Variants in VEZT observed in about 807,000 individuals in gnomAD.
VEZT encodes vezatin, adherens junctions transmembrane protein, also known as vezatin.
A neutral mutation model predicts 79.9 loss-of-function variants in VEZT; 39 were observed. That is an observed-to-expected ratio of 0.49 (90% CI 0.38 to 0.64). VEZT has a LOEUF of 0.64. VEZT is among the 30% of genes least tolerant of loss of function. The pLI is 0.00. For missense variants in VEZT, 837 were observed against 893.1 expected, an observed-to-expected ratio of 0.94 and a Z score of 0.80; for synonymous variants, 325 against 327.6, an observed-to-expected ratio of 0.99 and a Z score of 0.09.
chr12:95,297,725 C>A (rs983216770), intron 11 of VEZT, among the ~76,000 whole-genome samples: 5 of 152,176 alleles, frequency 3.3e-5, no homozygotes, highest in African/African-American at 1.2e-4. Flanking sequence ...CATAAGAATT[C>A]ATCTATCCAA....
At chr12:95,280,648 A>G (rs1212926244) in intron 7 of VEZT, among the ~76,000 whole-genome samples, 3 of 152,120 alleles carry the variant, frequency 2.0e-5, no homozygotes, top group African/African-American at 7.2e-5. Context: ...GGGAAATAGT[A>G]TCTTTTACTT....
intron 3 of VEZT, among the ~76,000 whole-genome samples, chr12:95,260,098 C>CTTT (rs56756447): frequency 2.2e-3 from 150 of 68,530 alleles, no homozygotes; most frequent in Non-Finnish European, 2.5e-3. Flanking sequence ...TGGTTGATCA[C>CTTT]TTTTTTTTTT....
At chr12:95,218,147 G>A (rs1020757253) in intron 1 of VEZT, 2 of 348,904 alleles carry the variant, frequency 5.7e-6, no homozygotes, top group African/African-American at 4.3e-5. Context: ...CTCTGGGCTG[G>A]AGCGGTGTCT....
intron 1 of VEZT, among the ~76,000 whole-genome samples, chr12:95,249,859 T>G (rs1214642024): frequency 6.6e-6 from 1 of 152,172 alleles, no homozygotes; most frequent in Non-Finnish European, 1.5e-5. Context: ...CTGCTTTTTC[T>G]AACTGAGTGA....
chr12:95,263,572 G>A (rs1003011089), intron 4 of VEZT, among the ~76,000 whole-genome samples: 5 of 152,084 alleles, frequency 3.3e-5, no homozygotes, highest in Non-Finnish European at 7.3e-5. Flanking sequence ...GATTGCTTGA[G>A]CCCAGCAGTT....
At chr12:95,271,454 G>C (rs1190038908) in intron 6 of VEZT, among the ~76,000 whole-genome samples, 1 of 152,148 alleles carries the variant, frequency 6.6e-6, no homozygotes, top group Non-Finnish European at 1.5e-5. Flanking sequence ...AACATACTTG[G>C]TTTATGGAGT....
intron 1 of VEZT, among the ~76,000 whole-genome samples, chr12:95,235,464 G>A (rs530851143): frequency 6.0e-4 from 72 of 119,908 alleles, no homozygotes; most frequent in African/African-American, 2.0e-3. Context: ...GGGCAGAGGG[G>A]CTCCTCACTT....
At chr12:95,273,740 G>A (rs2067096379) in intron 6 of VEZT, among the ~76,000 whole-genome samples, 1 of 152,030 alleles carries the variant, frequency 6.6e-6, no homozygotes, top group Non-Finnish European at 1.5e-5. Context: ...ATAAAAACCA[G>A]TTGTATTACA....
intron 1 of VEZT, among the ~76,000 whole-genome samples, chr12:95,225,459 A>G (rs541245280): frequency 6.6e-6 from 1 of 152,226 alleles, no homozygotes; most frequent in Non-Finnish European, 1.5e-5. Context: ...CGGGAGGCTG[A>G]GGCAGGAGAA....
intron 1 of VEZT, among the ~76,000 whole-genome samples, chr12:95,225,792 A>G (rs1469569239): frequency 0.035 from 2,635 of 75,962 alleles, 103 homozygotes; most frequent in African/African-American, 0.13. Flanking sequence ...AAAAAAAAAA[A>G]AGAGAGAGAA....
intron 8 of VEZT, chr12:95,286,336 A>G (rs1321664667): frequency 6.8e-6 from 3 of 443,702 alleles, no homozygotes; most frequent in Admixed American, 2.8e-5. Context: ...ATACCAAGTT[A>G]GTCTTTCTTC....
At chr12:95,261,884 A>G (rs926115176) in intron 3 of VEZT, among the ~76,000 whole-genome samples, 2 of 152,222 alleles carry the variant, frequency 1.3e-5, no homozygotes, top group Non-Finnish European at 2.9e-5. Flanking sequence ...GAGGATGATA[A>G]GGTACATCAC....
intron 1 of VEZT, among the ~76,000 whole-genome samples, chr12:95,239,992 A>C (rs887914861): frequency 1.3e-5 from 2 of 148,576 alleles, no homozygotes; most frequent in Non-Finnish European, 3.0e-5. Flanking sequence ...GGAGAGAGAG[A>C]GAGGAGACAG....
At chr12:95,262,089 A>G (rs538172363) in intron 3 of VEZT, among the ~76,000 whole-genome samples, 1 of 152,284 alleles carries the variant, frequency 6.6e-6, no homozygotes, top group East Asian at 1.9e-4. Context: ...ATTTTTGTTC[A>G]TCCTTTAAAA....
intron 1 of VEZT, among the ~76,000 whole-genome samples, chr12:95,242,503 T>C (rs939274947): frequency 1.3e-5 from 2 of 152,204 alleles, no homozygotes; most frequent in Admixed American, 1.3e-4. Context: ...AGTGTGATCA[T>C]AGGCCCTACG....
intron 1 of VEZT, among the ~76,000 whole-genome samples, chr12:95,240,142 A>G (rs1469458586): frequency 6.6e-6 from 1 of 152,182 alleles, no homozygotes; most frequent in African/African-American, 2.4e-5. Context: ...ACAATCATTG[A>G]CTGTTCTTAG....
At chr12:95,281,567 A>C (rs1390200826) in intron 7 of VEZT, among the ~76,000 whole-genome samples, 1 of 137,912 alleles carries the variant, frequency 7.3e-6, no homozygotes, top group Non-Finnish European at 1.6e-5. Flanking sequence ...TTTTTTTTGG[A>C]TGGAGTCTTG....
chr12:95,287,821 G>A lies in VEZT; in HGVS notation c.1486G>A (p.Val496Ile), dbSNP rs10507051. 60,909 of 1,605,810 alleles carry A rather than the reference G, an allele frequency of 0.038. 1,773 individuals are homozygous for A. Among genetic ancestry groups the A allele is most frequent in the Middle Eastern group, 0.12 (705 of 6,042 alleles). Residue 496 changes from valine to isoleucine, a missense_variant, in exon 9 of 12, where the codon GTC becomes ATC. Val to Ile is a conservative substitution (Grantham distance 29). Transcript: ENST00000436874. ...NNCWEEAISQ[V>I]DKLLRRNTDK... Reference sequence around the variant, plus strand: ...TTGCTGGGAAGAGGCCATTTCTCAGGTCGACAAACTGCTACGAAGAAATAC... The same window carrying A: ...TTGCTGGGAAGAGGCCATTTCTCAGATCGACAAACTGCTACGAAGAAATAC...
rs777833336 is a variant in VEZT at position 95,300,523 on chromosome 12, G to T, written c.2190G>T (p.Gln730His). 26 of 1,613,764 alleles carry T rather than the reference G, an allele frequency of 1.6e-5. No homozygotes were observed. The East Asian group carries it at 4.7e-4, about 29-fold the overall frequency. The change falls in exon 12 of 12, where the codon CAG becomes CAT. Residue 730 changes from glutamine (Q) to histidine (H), a missense_variant. Gln to His is a conservative substitution (Grantham distance 24). Transcript: ENST00000436874. ...TTAAGCAGAGGCTGGCACGGCTACAGCTGTCACCAGATTTTACCTTCACTG... is the reference window on the plus strand; with the variant it reads ...TTAAGCAGAGGCTGGCACGGCTACATCTGTCACCAGATTTTACCTTCACTG... ...PSIKQRLARL[Q>H]LSPDFTFTAG...
Sources: gnomAD v4.1 joint callset for allele counts (sites outside exome capture counted in the v4.1 genomes callset) on GRCh38, gnomAD v4.1.1 for gene constraint, MANE v1.5 for transcripts, NCBI Gene and HGNC (gene_info 2026-07-23, HGNC 2026-07-21) for gene names.